Variants in FBN3 observed in about 807,000 individuals in gnomAD.
FBN3 encodes fibrillin-3.
A neutral mutation model predicts 330.1 loss-of-function variants in FBN3; 234 were observed. The observed-to-expected ratio is 0.71, with a 90% CI of 0.64 to 0.79. FBN3 has a LOEUF of 0.79. Among genes scored for constraint, FBN3 ranks in the 30% least tolerant of loss-of-function variants. The probability of loss-of-function intolerance (pLI) is 0.00; values close to 1 mark genes in which losing one functional copy is unlikely to be tolerated. For synonymous variants in FBN3, 1,458 were observed against 1,517.3 expected, an observed-to-expected ratio of 0.96 and a Z score of 0.91; for missense variants, 3,606 against 3,886.9, an observed-to-expected ratio of 0.93 and a Z score of 1.92.
chr19:8,144,943 C>G lies in FBN3; in HGVS notation c.475G>C (p.Gly159Arg), dbSNP rs775328990. ...PICDRGCHNG[G>R]RCIGPNRCAC... is the part of the protein sequence containing the mutation. ...CAGCGGTTGGGCCCAATGCAGCGAC[C>G]CCCATTGTGGCAGCCGCGGTCACAG... is the stretch of plus-strand genomic sequence containing the variant. The change falls in exon 6 of 64, where the codon GGT becomes CGT. Residue 159 changes from glycine to arginine, a missense_variant. Transcript: ENST00000600128. The G allele has an allele frequency of 2.5e-6, 4 of 1,612,094 alleles. No individual in the cohort carries two copies. Among genetic ancestry groups the G allele is most frequent in the South Asian group, 1.1e-5 (1 of 90,392 alleles).
chr19:8,138,503 G>A lies in FBN3; in HGVS notation c.927C>T (p.Ala309=), dbSNP rs754441212. ...LFGGRCAGDL[A]GHYTRRQCCC... ...AGCACTGCCTGCGAGTGTAGTGGCC[G>A]GCGAGGTCTCCAGCACAGCGGCCCC... The change falls in exon 9 of 64, where the codon GCC becomes GCT. Residue 309 remains alanine, a synonymous_variant. Coordinates refer to ENST00000600128, the MANE Select transcript of FBN3 (RefSeq NM_032447.5). The A allele has an allele frequency of 1.6e-5, 25 of 1,612,728 alleles. No homozygotes were observed. Among genetic ancestry groups the A allele is most frequent in the African/African-American group, 8.0e-5 (6 of 74,912 alleles).
chr19:8,117,183 C>G lies in FBN3; in HGVS notation c.3572G>C (p.Gly1191Ala). The G allele has an allele frequency of 6.2e-7, 1 of 1,614,128 alleles. No individual in the cohort carries two copies. Among genetic ancestry groups the G allele is most frequent in the Non-Finnish European group, 8.5e-7 (1 of 1,179,994 alleles). The change falls in exon 28 of 64, where the codon GGA (glycine) becomes GCA (alanine). Residue 1191 changes from glycine (G) to alanine (A), a missense_variant. Physicochemically the swap from Gly to Ala is moderately conservative, Grantham distance 60. Coordinates refer to ENST00000600128, the MANE Select transcript of FBN3 (RefSeq NM_032447.5). Reference protein sequence around the residue: ...CGQGYSLMPDGRACADVDECE... With the variant: ...CGQGYSLMPDARACADVDECE... ...TGCCCACCTACCTGCACATGCCCTT[C>G]CGTCGGGCATCAGCGAGTAGCCCTG...
At chr19:8,099,358 G>A (rs1599337148) in intron 41 of FBN3, among the ~76,000 whole-genome samples, 1 of 137,140 alleles carries the variant, frequency 7.3e-6, no homozygotes, top group East Asian at 2.2e-4. Flanking sequence ...TCGGCTCACT[G>A]CAAGCTCCAT....
chr19:8,085,578 A>C lies in FBN3; in HGVS notation c.6881-9T>G. 1 of 1,535,226 alleles carries C rather than the reference A, an allele frequency of 6.5e-7. No individual in the cohort carries two copies. Among genetic ancestry groups the C allele is most frequent in the South Asian group, 1.2e-5 (1 of 80,744 alleles). On this transcript the variant is annotated splice_polypyrimidine_tract_variant and intron_variant, in intron 55 of 63. Coordinates refer to ENST00000600128, the MANE Select transcript of FBN3 (RefSeq NM_032447.5). ...GGGCCCCTGCCGGATGTCTGCAGAGAACAATGGGAAAGACAACGGTCACTC... is the reference window on the plus strand; with the variant it reads ...GGGCCCCTGCCGGATGTCTGCAGAGCACAATGGGAAAGACAACGGTCACTC...
rs746323500 is a variant in FBN3 at position 8,066,033 on chromosome 19, G to A, written c.8316C>T (p.Thr2772=). Residue 2772 remains threonine (T), a synonymous_variant, in exon 64 of 64, where the codon ACC becomes ACT. Coordinates refer to ENST00000600128, the MANE Select transcript of FBN3 (RefSeq NM_032447.5). ...TGTGGCTCACCACCTCCAGCCGGTA[G>A]GTTCCAGGCCCCGGCCGCCTCCGCC... ...QLGRRRPGPG[T]YRLEVVSHMA... The A allele has an allele frequency of 5.0e-6, 8 of 1,613,128 alleles. No homozygotes were observed. In the South Asian group the frequency reaches 7.7e-5, roughly 15 times the overall value.
At chr19:8,097,454 T>G (rs1324751781) in intron 41 of FBN3, 40 bp from the exon 42 acceptor site, 43 of 1,563,558 alleles carry the variant, frequency 2.8e-5, no homozygotes, top group Non-Finnish European at 3.8e-5. Context: ...CCCAGCCCCC[T>G]GGGACTTCCA....
chr19:8,115,533 C>G lies in FBN3; in HGVS notation c.3820G>C (p.Gly1274Arg), dbSNP rs899701642. ...HCQLGYMVRKGATGCSDVDEC... is the reference protein window; with the variant it reads ...HCQLGYMVRKRATGCSDVDEC... The stretch of plus-strand genomic sequence containing the variant: ...GGCTCACCAGAGCAGCCTGTGGCCC[C>G]CTTCCTGACCATGTAGCCCAGCTGA... The change falls in exon 30 of 64, where the codon GGG becomes CGG. Residue 1274 changes from glycine (G) to arginine (R), a missense_variant. Gly to Arg is a moderately radical substitution (Grantham distance 125). Coordinates refer to ENST00000600128, the MANE Select transcript of FBN3 (RefSeq NM_032447.5). 6.8e-6 allele frequency: 11 copies of G among 1,613,906 alleles called. No individual in the cohort carries two copies. Among genetic ancestry groups the G allele is most frequent in the African/African-American group, 1.3e-5 (1 of 74,918 alleles).
chr19:8,129,471 C>A lies in FBN3; in HGVS notation c.2045-106G>T. The A allele has an allele frequency of 6.8e-7, 1 of 1,469,056 alleles. No individual in the cohort carries two copies. The allele number at this position is 1,469,056 out of a possible 1,614,324, so 91.0% of individuals were successfully genotyped here. A position where few individuals can be genotyped will look rare whatever the true frequency, so the allele number is the denominator to read the frequency against. ...AGGGGTCTCTAGAAGTCAGATTCCC[C>A]AAGGCCATAGCTCCAGCCCAGACCC... On this transcript the variant is annotated intron_variant, in intron 16 of 63. Coordinates refer to ENST00000600128, the MANE Select transcript of FBN3 (RefSeq NM_032447.5). The surrounding 1 kb of genome is among the most constrained non-coding windows in gnomAD (Gnocchi z 4.5).
chr19:8,145,395 A>G (rs2083511034), intron 5 of FBN3, among the ~76,000 whole-genome samples: 1 of 137,340 alleles, frequency 7.3e-6, no homozygotes, highest in African/African-American at 2.8e-5. Flanking sequence ...AAAAAAAAAA[A>G]AAGGGCCGGG....
Position 8,126,207 on chromosome 19 carries a change from G to A in FBN3, c.2605+90C>T, listed in dbSNP as rs1568432537. 5 of 1,462,216 alleles carry A rather than the reference G, an allele frequency of 3.4e-6. No homozygotes were observed. The African/African-American group carries it at 4.2e-5, about 12-fold the overall frequency. The allele number at this position is 1,462,216 out of a possible 1,614,324, so 90.6% of individuals were successfully genotyped here. A position where few individuals can be genotyped will look rare whatever the true frequency, so the allele number is the denominator to read the frequency against. ...TCCCCATCGCAAAAGACTCCAGGGC[G>A]GGGCCGGAGGTGGCACCCATGAGGG... On this transcript the variant is annotated intron_variant, in intron 21 of 63. Coordinates refer to ENST00000600128, the MANE Select transcript of FBN3 (RefSeq NM_032447.5).
intron 47 of FBN3, among the ~76,000 whole-genome samples, chr19:8,093,349 C>T (rs964594522): frequency 9.9e-5 from 15 of 152,102 alleles, no homozygotes; most frequent in East Asian, 2.0e-4. Flanking sequence ...TTGGGCCTGG[C>T]GCAATGGCTC....
At chr19:8,102,985 G>A in intron 39 of FBN3, 112 bp from the exon 40 acceptor site, 2 of 1,188,566 alleles carry the variant, frequency 1.7e-6, no homozygotes, top group South Asian at 1.4e-5. Flanking sequence ...TTACTGGCTT[G>A]TCCAGGCACA....
Position 8,145,907 on chromosome 19 carries a change from C to T in FBN3, c.381G>A (p.Gly127=). 2.6e-6 allele frequency: 4 copies of T among 1,551,272 alleles called. No homozygotes were observed. The highest frequency in any genetic ancestry group is 2.6e-6 in the Non-Finnish European group (3 of 1,146,988). ...GACAGGACGCCCCCCGGCAGGTGCC[C>T]CCATTCATACAGCTCACACTGCACC... ...GSGCSVSCMN[G]GTCRGASCLC... is the part of the protein sequence containing the mutation. Residue 127 remains glycine (G), a synonymous_variant, in exon 5 of 64, where the codon GGG becomes GGA. Coordinates refer to ENST00000600128, the MANE Select transcript of FBN3 (RefSeq NM_032447.5).
chr19:8,081,174 G>A, intron 58 of FBN3, 55 bp from the exon 59 acceptor site: 2 of 1,544,308 alleles, frequency 1.3e-6, no homozygotes, highest in Non-Finnish European at 1.8e-6. Context: ...GGGATTAGGG[G>A]CTTCCCAGGG....
chr19:8,078,577 C>T (rs1389184881), intron 59 of FBN3, among the ~76,000 whole-genome samples: 1 of 107,286 alleles, frequency 9.3e-6, no homozygotes, highest in Admixed American at 9.8e-5. Flanking sequence ...CAGTGAAAAC[C>T]TTACTTTTTT....
At chr19:8,122,330 G>T (rs1249989497) in intron 24 of FBN3, among the ~76,000 whole-genome samples, 1 of 151,738 alleles carries the variant, frequency 6.6e-6, no homozygotes, top group African/African-American at 2.4e-5. Flanking sequence ...GGCCTCTAAA[G>T]GTCACCTTTG....
intron 38 of FBN3, among the ~76,000 whole-genome samples, chr19:8,104,835 G>A (rs1244607364): frequency 1.3e-5 from 2 of 152,122 alleles, no homozygotes; most frequent in East Asian, 3.9e-4. Flanking sequence ...GTGCTCCAAG[G>A]AAATTTTATT....
chr19:8,095,437 C>A lies in FBN3; in HGVS notation c.5723G>T (p.Gly1908Val), dbSNP rs2082188469. ...CRFGHCLNTA[G>V]SFHCLCQDGF... ...ATCCTGGCAGAGGCAGTGGAAGGAACCAGCTGTGTTGAGGCAATGGCCAAA... is the reference window on the plus strand; with the variant it reads ...ATCCTGGCAGAGGCAGTGGAAGGAAACAGCTGTGTTGAGGCAATGGCCAAA... Residue 1908 changes from glycine (G) to valine (V), a missense_variant, in exon 46 of 64, where the codon GGT (glycine) becomes GTT (valine). Coordinates refer to ENST00000600128, the MANE Select transcript of FBN3 (RefSeq NM_032447.5). The A allele has an allele frequency of 1.9e-6, 3 of 1,613,634 alleles. No homozygotes were observed. Among genetic ancestry groups the A allele is most frequent in the Non-Finnish European group, 8.5e-7 (1 of 1,179,798 alleles).
chr19:8,126,718 C>G lies in FBN3; in HGVS notation c.2411G>C (p.Cys804Ser), dbSNP rs2082997189. The change falls in exon 19 of 64, where the codon TGT becomes TCT. Residue 804 changes from cysteine (C) to serine (S), a missense_variant. By Grantham distance (112) the Cys-to-Ser change is moderately radical. Coordinates refer to ENST00000600128, the MANE Select transcript of FBN3 (RefSeq NM_032447.5). ...GSRLDPSGTFCLDSTKGTCWL... is the reference protein window; with the variant it reads ...GSRLDPSGTFSLDSTKGTCWL... The stretch of plus-strand genomic sequence containing the variant: ...CGGGCTCCGGGGCCGCTCACCTAGA[C>G]AGAAGGTACCAGAGGGGTCCAGCCG... 8.2e-6 allele frequency: 13 copies of G among 1,586,420 alleles called. No homozygotes were observed. The highest frequency in any genetic ancestry group is 1.0e-5 in the Non-Finnish European group (12 of 1,165,974).
Sources: gnomAD v4.1 joint callset for allele counts (sites outside exome capture counted in the v4.1 genomes callset) on GRCh38, gnomAD v4.1.1 for gene constraint, Gnocchi (gnomAD v3.1) non-coding constraint, MANE v1.5 for transcripts, NCBI Gene and HGNC (gene_info 2026-07-23, HGNC 2026-07-21) for gene names.